Variants in HDAC9 observed in about 807,000 individuals in gnomAD.
HDAC9 encodes MEF-2 interacting transcription repressor (MITR) protein.
HDAC9 carries 41 observed loss-of-function variants against 139.4 expected under a neutral mutation model. The observed-to-expected ratio is 0.29, with a 90% CI of 0.23 to 0.38. The LOEUF (loss-of-function observed/expected upper bound fraction) is 0.38. HDAC9 is among the 10% of genes least tolerant of loss of function. HDAC9 has a pLI of 1.00. For missense variants in HDAC9, 1,147 were observed against 1,297.0 expected (o/e 0.88, Z 1.78); for synonymous variants, 517 against 476.2 (o/e 1.09, Z -1.12).
At chr7:18,861,827 C>G (rs1798132543) in intron 21 of HDAC9, among the ~76,000 whole-genome samples, 1 of 152,176 alleles carries the variant, frequency 6.6e-6, no homozygotes. Context: ...AAAGAATACA[C>G]TTTCTGGACC....
chr7:18,865,999 G>A (rs1798466785), intron 21 of HDAC9, among the ~76,000 whole-genome samples: 1 of 150,232 alleles, frequency 6.7e-6, no homozygotes, highest in Non-Finnish European at 1.5e-5. Context: ...TGTCTCAGAG[G>A]TGACATATAA....
At chr7:18,112,444 T>G (rs757359389) in intron 1 of HDAC9, among the ~76,000 whole-genome samples, 5 of 152,208 alleles carry the variant, frequency 3.3e-5, no homozygotes, top group Non-Finnish European at 7.3e-5. Context: ...TCGGTACTTG[T>G]GAACTGTCAT....
intron 12 of HDAC9, among the ~76,000 whole-genome samples, chr7:18,715,636 C>G (rs1443713004): frequency 6.6e-6 from 1 of 152,044 alleles, no homozygotes; most frequent in Non-Finnish European, 1.5e-5. Context: ...ATCCTACTTA[C>G]TTGACCCAGC....
intron 22 of HDAC9, among the ~76,000 whole-genome samples, chr7:18,904,844 G>A (rs938768087): frequency 6.6e-6 from 1 of 151,766 alleles, no homozygotes; most frequent in Non-Finnish European, 1.5e-5. Flanking sequence ...CAAAGTGCTG[G>A]GATTACAGGC....
chr7:18,552,032 T>C (rs564577682), intron 2 of HDAC9, among the ~76,000 whole-genome samples: 6 of 152,230 alleles, frequency 3.9e-5, no homozygotes, highest in Non-Finnish European at 8.8e-5. Context: ...GACTTGTGCA[T>C]TTTTAAAAGA....
chr7:18,975,715 A>C lies in HDAC9; in HGVS notation c.3023-91A>C, dbSNP rs56268228. 79,970 of 1,248,036 alleles carry C rather than the reference A, an allele frequency of 0.064. 3,961 individuals are homozygous for C. The highest frequency in any genetic ancestry group is 0.24 in the African/African-American group (16,128 of 67,388). 77.3% of individuals were successfully genotyped at this position (1,248,036 alleles called of 1,614,324 possible). A position where few individuals can be genotyped will look rare whatever the true frequency, so the allele number is the denominator to read the frequency against. On this transcript the variant is annotated intron_variant, in intron 24 of 25. Transcript: ENST00000686413. ...TGTATAACATGGGGAATTTTAACTT[A>C]ACAACTGCTCTGAGTTGGACGTATG...
chr7:18,727,279 CG>C (rs1312902254), intron 12 of HDAC9, among the ~76,000 whole-genome samples: 1 of 152,124 alleles, frequency 6.6e-6, no homozygotes, highest in Non-Finnish European at 1.5e-5. Context: ...TCAAAGTCGA[CG>C]TTACTCTTGA....
intron 1 of HDAC9, among the ~76,000 whole-genome samples, chr7:18,438,298 G>T (rs1791409362): frequency 6.6e-6 from 1 of 151,988 alleles, no homozygotes; most frequent in Non-Finnish European, 1.5e-5. Context: ...TCTGAGGATT[G>T]ATAAAAAATC....
chr7:18,857,078 C>T (rs1250360339), intron 21 of HDAC9, among the ~76,000 whole-genome samples: 1 of 152,098 alleles, frequency 6.6e-6, no homozygotes, highest in Admixed American at 6.6e-5. Flanking sequence ...CATGTTTCAA[C>T]TTCATTTAAA....
chr7:18,211,064 A>C (rs968065935), intron 2 of HDAC9, among the ~76,000 whole-genome samples: 1 of 152,238 alleles, frequency 6.6e-6, no homozygotes, highest in Non-Finnish European at 1.5e-5. Context: ...CTGGAAACTC[A>C]GAAGCATGTG....
At chr7:18,893,453 G>C (rs1388929700) in intron 22 of HDAC9, among the ~76,000 whole-genome samples, 1 of 152,142 alleles carries the variant, frequency 6.6e-6, no homozygotes, top group Non-Finnish European at 1.5e-5. Context: ...AGCTACATCA[G>C]TCTGAAGAAG....
At chr7:18,362,605 C>T (rs928796381) in intron 1 of HDAC9, among the ~76,000 whole-genome samples, 14 of 152,002 alleles carry the variant, frequency 9.2e-5, no homozygotes, top group African/African-American at 2.9e-4. Flanking sequence ...CAAAAATTGA[C>T]CCTGGATTGA....
At chr7:18,564,026 A>G (rs1327626347) in intron 2 of HDAC9, among the ~76,000 whole-genome samples, 1 of 151,946 alleles carries the variant, frequency 6.6e-6, no homozygotes, top group Non-Finnish European at 1.5e-5. Flanking sequence ...TAGTAGAGAC[A>G]GGATTTCACC....
At chr7:18,412,174 C>A (rs1465954155) in intron 1 of HDAC9, among the ~76,000 whole-genome samples, 1 of 152,022 alleles carries the variant, frequency 6.6e-6, no homozygotes, top group African/African-American at 2.4e-5. Flanking sequence ...AGGGTTATAA[C>A]CCCATCCTAA....
chr7:18,461,894 C>T (rs147361947), intron 1 of HDAC9, among the ~76,000 whole-genome samples: 10 of 152,058 alleles, frequency 6.6e-5, no homozygotes, highest in Non-Finnish European at 1.2e-4. Flanking sequence ...TCTTATGTAC[C>T]AGACATTCAG....
chr7:18,437,094 T>C (rs548197448), intron 1 of HDAC9, among the ~76,000 whole-genome samples: 1 of 152,344 alleles, frequency 6.6e-6, no homozygotes, highest in African/African-American at 2.4e-5. Context: ...GAGCTGATTT[T>C]AATTAAAGTT....
chr7:18,323,603 T>A (rs1403914227), intron 1 of HDAC9, among the ~76,000 whole-genome samples: 1 of 152,182 alleles, frequency 6.6e-6, no homozygotes, highest in Non-Finnish European at 1.5e-5. Flanking sequence ...AGGCATTGTA[T>A]CTTTTAAAAG....
chr7:18,397,408 C>A (rs1220280156), intron 1 of HDAC9, among the ~76,000 whole-genome samples: 1 of 152,076 alleles, frequency 6.6e-6, no homozygotes, highest in East Asian at 1.9e-4. Context: ...AAGGGGCAAT[C>A]TGAAATCAAA....
chr7:18,281,266 C>T (rs758855616), intron 2 of HDAC9, among the ~76,000 whole-genome samples: 2 of 152,160 alleles, frequency 1.3e-5, no homozygotes, highest in African/African-American at 2.4e-5. Flanking sequence ...CTTGTTTTAT[C>T]GTGGTATTAG....
Sources: allele counts gnomAD v4.1 joint callset (sites outside exome capture counted in the v4.1 genomes callset), GRCh38; gene constraint gnomAD v4.1.1; transcripts MANE v1.5; gene names NCBI Gene and HGNC (gene_info 2026-07-23, HGNC 2026-07-21).